PPP6R2: variants seen among roughly 807,000 people sequenced by gnomAD.
The protein encoded by PPP6R2 is protein phosphatase 6 regulatory subunit 2, also known as serine/threonine-protein phosphatase 6 regulatory subunit 2.
A neutral mutation model predicts 100.2 loss-of-function variants in PPP6R2; 62 were observed. That is an observed-to-expected ratio of 0.62 (90% CI 0.50 to 0.76). The LOEUF is 0.76. Ranked by LOEUF, PPP6R2 falls within the 30% of genes least tolerant of loss-of-function variation. The pLI is 0.00. For synonymous variants in PPP6R2, 525 were observed against 514.7 expected (o/e 1.02, Z -0.27); for missense variants, 1,142 against 1,276.3 (o/e 0.89, Z 1.60).
intron 5 of PPP6R2, among the ~76,000 whole-genome samples, chr22:50,415,293 G>A (rs753024483): frequency 1.1e-4 from 16 of 152,168 alleles, no homozygotes; most frequent in African/African-American, 3.6e-4. Context: ...ACCCTGAGGC[G>A]CTCTGCCTGT....
chr22:50,442,035 A>G (rs1025010594), intron 22 of PPP6R2, among the ~76,000 whole-genome samples: 9 of 152,108 alleles, frequency 5.9e-5, no homozygotes, highest in Non-Finnish European at 1.0e-4. Flanking sequence ...CTAGGAGGGG[A>G]CAAGGTGCCT....
chr22:50,331,723 A>G, the PPP6R2 span, among the ~76,000 whole-genome samples: 1 of 152,138 alleles, frequency 6.6e-6, no homozygotes, highest in Non-Finnish European at 1.5e-5. Flanking sequence ...CCCGAGTTCA[A>G]GCAATTCTCC....
intron 1 of PPP6R2, among the ~76,000 whole-genome samples, chr22:50,348,922 TG>T: frequency 6.6e-6 from 1 of 152,212 alleles, no homozygotes; most frequent in Non-Finnish European, 1.5e-5. Context: ...CCGGGCGCAG[TG>T]GCTCACGCCT....
intron 2 of PPP6R2, among the ~76,000 whole-genome samples, chr22:50,392,280 T>C (rs1000547589): frequency 6.6e-6 from 1 of 151,420 alleles, no homozygotes; most frequent in Non-Finnish European, 1.5e-5. Context: ...GGAGGGCAGA[T>C]TGCTTGAGCT....
intron 2 of PPP6R2, among the ~76,000 whole-genome samples, chr22:50,372,712 G>A (rs1297235990): frequency 1.3e-5 from 2 of 150,624 alleles, no homozygotes; most frequent in South Asian, 2.1e-4. Flanking sequence ...TTTTTGAGAC[G>A]GAGTCTTGCT....
At chr22:50,435,457 G>A (rs1163791874) in intron 13 of PPP6R2, among the ~76,000 whole-genome samples, 2 of 152,224 alleles carry the variant, frequency 1.3e-5, no homozygotes. Context: ...CTGCACTCAG[G>A]TGATTGGAGA....
At chr22:50,352,922 A>T (rs1258269732) in intron 1 of PPP6R2, among the ~76,000 whole-genome samples, 3 of 150,130 alleles carry the variant, frequency 2.0e-5, no homozygotes, top group Non-Finnish European at 3.0e-5. Context: ...AGTTTAGCTG[A>T]ATGTGGTGGT....
intron 4 of PPP6R2, among the ~76,000 whole-genome samples, chr22:50,409,324 G>A (rs1419765686): frequency 6.6e-6 from 1 of 152,174 alleles, no homozygotes; most frequent in African/African-American, 2.4e-5. Flanking sequence ...CTGTCACTCA[G>A]ATTCCACATC....
At chr22:50,331,369 G>C in the PPP6R2 span, among the ~76,000 whole-genome samples, 1 of 152,014 alleles carries the variant, frequency 6.6e-6, no homozygotes, top group African/African-American at 2.4e-5. Flanking sequence ...TCAAATGTTG[G>C]AGAAATTATC....
chr22:50,375,895 C>T lies in PPP6R2; in HGVS notation c.-17+3745C>T, dbSNP rs185853195. Among the ~76,000 whole-genome samples, 121 of 122,018 alleles carry T rather than the reference C, an allele frequency of 9.9e-4. 1 individual carries two copies. Among genetic ancestry groups the T allele is most frequent in the Admixed American group, 1.5e-3 (14 of 9,436 alleles). 80.0% of individuals were successfully genotyped at this position (122,018 alleles called of 152,430 possible). On this transcript the variant is annotated intron_variant, in intron 2 of 23. Transcript: ENST00000612753. Reference sequence around the variant, plus strand: ...TTGCTTTGTATCCCAGGCTGAAGTGCAGTAGCACAATCTCGGTTCACTGCA... The same window carrying T: ...TTGCTTTGTATCCCAGGCTGAAGTGTAGTAGCACAATCTCGGTTCACTGCA...
intron 1 of PPP6R2, among the ~76,000 whole-genome samples, chr22:50,367,918 T>A (rs1427809462): frequency 6.6e-5 from 10 of 152,148 alleles, no homozygotes; most frequent in African/African-American, 2.2e-4. Flanking sequence ...ATTTATTGGA[T>A]ACAGGCAAGG....
chr22:50,419,584 C>A, intron 8 of PPP6R2, 122 bp downstream of exon 8: 1 of 701,166 alleles, frequency 1.4e-6, no homozygotes, highest in Non-Finnish European at 2.5e-6. Context: ...CAAGTAACAA[C>A]ATGGATAGAT....
chr22:50,338,714 G>GGT (rs1224602878), upstream of PPP6R2, among the ~76,000 whole-genome samples: 2 of 141,662 alleles, frequency 1.4e-5, no homozygotes, highest in African/African-American at 2.6e-5. Context: ...TAGGGTGTGT[G>GGT]GTGTGTGTGT....
In PPP6R2 at chr22:50,438,677, G is replaced by A; in HGVS notation, c.2043G>A (p.Leu681=). ...GAGGCCAGGATGGGAAGGCGAGCTTGGAAGCACACAGAGATGCACCTGGGG... is the reference window on the plus strand; with the variant it reads ...GAGGCCAGGATGGGAAGGCGAGCTTAGAAGCACACAGAGATGCACCTGGGG... The part of the protein sequence containing the change: ...ERGGQDGKAS[L]EAHRDAPGAG... Residue 681 remains leucine, a synonymous_variant, in exon 19 of 24, where the codon TTG becomes TTA. Transcript: ENST00000612753. 1 of 1,614,000 alleles carries A rather than the reference G, an allele frequency of 6.2e-7. No homozygotes were observed. Among genetic ancestry groups the A allele is most frequent in the Non-Finnish European group, 8.5e-7 (1 of 1,179,988 alleles).
At chr22:50,346,895 C>G (rs2043896678) in intron 1 of PPP6R2, among the ~76,000 whole-genome samples, 1 of 151,080 alleles carries the variant, frequency 6.6e-6, no homozygotes, top group Admixed American at 6.6e-5. Context: ...CCCACCCGTA[C>G]CCGTCAGTCA....
At chr22:50,380,364 C>G (rs2052599030) in intron 2 of PPP6R2, among the ~76,000 whole-genome samples, 1 of 150,724 alleles carries the variant, frequency 6.6e-6, no homozygotes, top group Non-Finnish European at 1.5e-5. Context: ...GCCACCACGC[C>G]TGATGTTTTT....
intron 3 of PPP6R2, among the ~76,000 whole-genome samples, chr22:50,397,478 C>G (rs572865606): frequency 4.0e-5 from 6 of 151,876 alleles, no homozygotes; most frequent in Non-Finnish European, 8.8e-5. Context: ...TGGAGGTTAA[C>G]GTTGGAGAAA....
At chr22:50,341,456 G>A (rs1452016687), upstream of PPP6R2, among the ~76,000 whole-genome samples, 3 of 152,014 alleles carry the variant, frequency 2.0e-5, no homozygotes, top group Non-Finnish European at 2.9e-5. Context: ...CTCCTGCCTA[G>A]GCCTCCTGAA....
chr22:50,338,209 GGTGTGTGTGGTGTGTTGGTGT>G, the PPP6R2 span, among the ~76,000 whole-genome samples: 31 of 136,264 alleles, frequency 2.3e-4, no homozygotes, highest in South Asian at 1.9e-3. Flanking sequence ...GTGTGTCGGG[GGTGTGTGTGGTGTGTTGGTGT>G]GTGTGTGTGG....
Sources: gnomAD v4.1 joint callset for allele counts (sites outside exome capture counted in the v4.1 genomes callset) on GRCh38, gnomAD v4.1.1 for gene constraint, MANE v1.5 for transcripts, NCBI Gene and HGNC (gene_info 2026-07-23, HGNC 2026-07-21) for gene names.